CYP39A1: variants seen among roughly 807,000 people sequenced by gnomAD.
CYP39A1 encodes the protein 24-hydroxycholesterol 7-alpha-hydroxylase.
Under a neutral mutation model 58.1 loss-of-function variants are expected in CYP39A1, and 49 were observed. That is an observed-to-expected ratio of 0.84 (90% CI 0.67 to 1.07). The LOEUF (loss-of-function observed/expected upper bound fraction) is 1.07, where lower values mean the gene tolerates loss of function less well. Among genes scored for constraint, CYP39A1 ranks in the 50% least tolerant of loss-of-function variants. CYP39A1 has a pLI of 0.00. For missense variants in CYP39A1, 531 were observed against 539.4 expected, an observed-to-expected ratio of 0.98 and a Z score of 0.16; for synonymous variants, 209 against 187.6, an observed-to-expected ratio of 1.11 and a Z score of -0.93.
chr6:46,553,607 C>T (rs560599679), intron 11 of CYP39A1, among the ~76,000 whole-genome samples, 160 bp downstream of exon 11: 3 of 152,186 alleles, frequency 2.0e-5, no homozygotes, highest in Non-Finnish European at 2.9e-5. Context: ...TTAAGGAGAC[C>T]GAGTATCTTC....
chr6:46,600,119 T>G (rs2150530153), intron 7 of CYP39A1, among the ~76,000 whole-genome samples: 1 of 151,882 alleles, frequency 6.6e-6, no homozygotes, highest in East Asian at 1.9e-4. Flanking sequence ...TTCTTTTCTT[T>G]TCTTTTCTTT....
intron 10 of CYP39A1, among the ~76,000 whole-genome samples, chr6:46,582,888 A>T (rs1772223050): frequency 6.6e-6 from 1 of 152,092 alleles, no homozygotes; most frequent in Non-Finnish European, 1.5e-5. Context: ...GCACACACTC[A>T]GTAAATAGTT....
Position 46,625,471 on chromosome 6 carries a change from G to A in CYP39A1, c.878C>T (p.Pro293Leu), listed in dbSNP as rs774056150. ...FWTLAYVLSH[P>L]DIHKAIMEGI... Reference sequence around the variant, plus strand: ...TTCCATAATGGCCTTGTGGATATCAGGATGAGAAAGGACGTATGCAAGTGT... The same window carrying A: ...TTCCATAATGGCCTTGTGGATATCAAGATGAGAAAGGACGTATGCAAGTGT... Residue 293 changes from proline (P) to leucine (L), a missense_variant, in exon 7 of 12, where the codon CCT (proline) becomes CTT (leucine). Physicochemically the swap from Pro to Leu is moderately conservative, Grantham distance 98. Transcript: ENST00000275016. The A allele has an allele frequency of 1.2e-6, 2 of 1,610,690 alleles. No individual in the cohort carries two copies. Among genetic ancestry groups the A allele is most frequent in the Non-Finnish European group, 1.7e-6 (2 of 1,178,304 alleles).
chr6:46,651,135 T>G (rs1295783040), intron 1 of CYP39A1, among the ~76,000 whole-genome samples: 1 of 152,252 alleles, frequency 6.6e-6, no homozygotes, highest in Non-Finnish European at 1.5e-5. Flanking sequence ...AATTTAAGTG[T>G]GCATGTCCTT....
chr6:46,599,889 C>T lies in CYP39A1; in HGVS notation c.932-3769G>A, dbSNP rs570958872. 8.4e-4 allele frequency among the ~76,000 whole-genome samples: 128 copies of T among 152,284 alleles called. 1 individual carries two copies. Among genetic ancestry groups the T allele is most frequent in the African/African-American group, 3.0e-3 (123 of 41,576 alleles). ...CTTGCCCCACTGAAATAAAGCCTTT[C>T]TTCCCTTGGTCTTGCCATCGCAGAA... On this transcript the variant is annotated intron_variant, in intron 7 of 11. Coordinates refer to ENST00000275016, the MANE Select transcript of CYP39A1 (RefSeq NM_016593.5).
chr6:46,549,972 T>C lies in CYP39A1; in HGVS notation c.*394A>G, dbSNP rs1770303761. ...TTAAATTTTAAAAATCTAAGCCTTT[T>C]AGACTTTTCAAAATAAAAATTTAAG... On this transcript the variant is annotated 3_prime_UTR_variant, in exon 12 of 12. Coordinates refer to ENST00000275016, the MANE Select transcript of CYP39A1 (RefSeq NM_016593.5). The C allele has an allele frequency of 6.4e-6, 1 of 156,582 alleles. No homozygotes were observed. The highest frequency in any genetic ancestry group is 1.4e-5 in the Non-Finnish European group (1 of 70,814). The allele number at this position is 156,582 out of a possible 1,614,324, so 9.7% of individuals were successfully genotyped here.
intron 1 of CYP39A1, among the ~76,000 whole-genome samples, chr6:46,645,055 T>C (rs1309674095): frequency 6.6e-6 from 1 of 152,180 alleles, no homozygotes; most frequent in African/African-American, 2.4e-5. Flanking sequence ...GTTGGATATG[T>C]GGTTTGCAAA....
intron 7 of CYP39A1, among the ~76,000 whole-genome samples, chr6:46,613,228 T>C (rs1774322705): frequency 6.6e-6 from 1 of 152,208 alleles, no homozygotes; most frequent in Non-Finnish European, 1.5e-5. Context: ...CCTAAGTCAA[T>C]GTCACCAGGT....
intron 7 of CYP39A1, among the ~76,000 whole-genome samples, chr6:46,619,108 T>C (rs566291190): frequency 2.8e-4 from 42 of 152,250 alleles, no homozygotes; most frequent in African/African-American, 9.9e-4. Flanking sequence ...CTAGCTCCTT[T>C]TGTGGCTCCC....
intron 11 of CYP39A1, among the ~76,000 whole-genome samples, chr6:46,552,980 G>A (rs36123378): frequency 0.2 from 30,242 of 151,266 alleles, 3,137 homozygotes; most frequent in African/African-American, 0.21. Context: ...CCCAGGAGGC[G>A]GAGGCTGCAG....
chr6:46,592,394 C>G (rs771489327), intron 8 of CYP39A1, among the ~76,000 whole-genome samples: 5 of 152,144 alleles, frequency 3.3e-5, no homozygotes, highest in Non-Finnish European at 5.9e-5. Context: ...CGTTAAACTT[C>G]AGTTCAGCAA....
In CYP39A1 at chr6:46,636,271, C is replaced by T; in HGVS notation, c.732+118G>A. On this transcript the variant is annotated intron_variant, in intron 5 of 11. Coordinates refer to ENST00000275016, the MANE Select transcript of CYP39A1 (RefSeq NM_016593.5). ...ATAATGTATCTCAACATGTCCAGTA[C>T]AGTGGTTGACACAAAAATGGTATCT... 4.5e-6 allele frequency: 3 copies of T among 672,082 alleles called. No homozygotes were observed. The South Asian group carries it at 5.7e-5, about 13-fold the overall frequency. 41.6% of individuals were successfully genotyped at this position (672,082 alleles called of 1,614,324 possible). A position where few individuals can be genotyped will look rare whatever the true frequency, so the allele number is the denominator to read the frequency against.
chr6:46,553,771 T>A lies in CYP39A1; in HGVS notation c.1334A>T (p.Lys445Ile). 6.2e-7 allele frequency: 1 copy of A among 1,602,310 alleles called. No individual in the cohort carries two copies. Among genetic ancestry groups the A allele is most frequent in the Non-Finnish European group, 8.5e-7 (1 of 1,170,018 alleles). ...YDCSLLDPLPKQSYLHLVGVP... is the reference protein window; with the variant it reads ...YDCSLLDPLPIQSYLHLVGVP... ...CAAAATTCTGAAAACACTTACCTGT[T>A]TGGGTAATGGGTCCAGAAGACTACA... The change falls in exon 11 of 12, where the codon AAA becomes ATA. Residue 445 changes from lysine to isoleucine, a missense_variant. Physicochemically the swap from Lys to Ile is moderately radical, Grantham distance 102 (BLOSUM62 -3). Coordinates refer to ENST00000275016, the MANE Select transcript of CYP39A1 (RefSeq NM_016593.5).
intron 10 of CYP39A1, among the ~76,000 whole-genome samples, chr6:46,573,285 T>C (rs1295822602): frequency 1.3e-5 from 2 of 152,108 alleles, no homozygotes; most frequent in African/African-American, 4.8e-5. Context: ...TCAAGACTGA[T>C]GGGCTGGATT....
At chr6:46,572,409 T>A (rs1771639083) in intron 10 of CYP39A1, among the ~76,000 whole-genome samples, 1 of 152,206 alleles carries the variant, frequency 6.6e-6, no homozygotes, top group South Asian at 2.1e-4. Flanking sequence ...TTATCTCACC[T>A]TCATTTTTGA....
chr6:46,646,989 C>T, intron 1 of CYP39A1, among the ~76,000 whole-genome samples: 1 of 151,444 alleles, frequency 6.6e-6, no homozygotes, highest in African/African-American at 2.4e-5. Flanking sequence ...AAAACCAGTT[C>T]TTTCTTTCAT....
At chr6:46,650,484 CTTTT>C (rs567314746) in intron 1 of CYP39A1, among the ~76,000 whole-genome samples, 7,084 of 33,502 alleles carry the variant, frequency 0.21, 41 homozygotes, top group East Asian at 0.29. Context: ...CAGTCATATT[CTTTT>C]TTTTTTTTTT....
chr6:46,601,101 G>T (rs1005403321), intron 7 of CYP39A1, among the ~76,000 whole-genome samples: 2 of 152,158 alleles, frequency 1.3e-5, no homozygotes, highest in Non-Finnish European at 2.9e-5. Flanking sequence ...AGAATTGTTT[G>T]GTGTGGAAAA....
chr6:46,628,855 C>A (rs1775480538), intron 6 of CYP39A1, among the ~76,000 whole-genome samples: 1 of 152,150 alleles, frequency 6.6e-6, no homozygotes, highest in Non-Finnish European at 1.5e-5. Context: ...TAATGATTGA[C>A]TGAAACTAGG....
Sources: gnomAD v4.1 joint callset for allele counts (sites outside exome capture counted in the v4.1 genomes callset) on GRCh38, gnomAD v4.1.1 for gene constraint, MANE v1.5 for transcripts, NCBI Gene and HGNC (gene_info 2026-07-23, HGNC 2026-07-21) for gene names.